The following PLEKHG1 variants were observed in gnomAD, a reference collection of about 807,000 sequenced individuals.
PLEKHG1 encodes the protein pleckstrin homology domain-containing family G member 1.
A neutral mutation model predicts 100.8 loss-of-function variants in PLEKHG1; 44 were observed. That is an observed-to-expected ratio of 0.44 (90% confidence interval 0.34 to 0.56). The LOEUF is 0.56. Ranked by LOEUF, PLEKHG1 falls within the 20% of genes least tolerant of loss-of-function variation. The pLI is 0.01. For missense variants in PLEKHG1, 1,545 were observed against 1,720.9 expected (o/e 0.90, Z 1.81); for synonymous variants, 640 against 662.5 (o/e 0.97, Z 0.52).
chr6:150,605,596 T>G (rs1042373288), intron 1 of PLEKHG1: 1 of 152,206 alleles, frequency 6.6e-6, no homozygotes, highest in African/African-American at 2.4e-5. Context: ...CATGGAGATG[T>G]GATCGGTAAG....
chr6:150,714,236 T>A (rs1781342011), intron 3 of PLEKHG1, among the ~76,000 whole-genome samples: 3 of 152,210 alleles, frequency 2.0e-5, no homozygotes, highest in African/African-American at 7.2e-5. Flanking sequence ...AGCAAGAGGC[T>A]TTTTGCAACA....
intron 2 of PLEKHG1, among the ~76,000 whole-genome samples, chr6:150,742,108 TAAAG>T (rs995917507): frequency 1.3e-5 from 2 of 152,240 alleles, no homozygotes; most frequent in African/African-American, 4.8e-5. Context: ...TGTGTTGCTA[TAAAG>T]AAATACCTGA....
Position 150,804,321 on chromosome 6 carries a change from G to A in PLEKHG1, c.781-289G>A, listed in dbSNP as rs182707099. ...CTGCCTCAGCCTCCTAAGTAACTGGGACTATAGGCATGTGCCACCACGCCC... is the reference window on the plus strand; with the variant it reads ...CTGCCTCAGCCTCCTAAGTAACTGGAACTATAGGCATGTGCCACCACGCCC... On this transcript the variant is annotated intron_variant, in intron 6 of 15. Transcript: ENST00000358517. Among the ~76,000 whole-genome samples the A allele has an allele frequency of 7.9e-3, 1,176 of 148,656 alleles. 16 individuals carry two copies. Among genetic ancestry groups the A allele is most frequent in the African/African-American group, 0.027 (1,111 of 40,424 alleles).
chr6:150,663,067 T>C (rs1779257780), intron 3 of PLEKHG1: 1 of 152,196 alleles, frequency 6.6e-6, no homozygotes, highest in South Asian at 2.1e-4. Context: ...TGTGAGATAT[T>C]GAACACGTTA....
At chr6:150,721,080 A>T (rs1781649499), upstream of PLEKHG1, 1 of 873,680 alleles carries the variant, frequency 1.1e-6, no homozygotes, top group African/African-American at 1.8e-5. Flanking sequence ...ATAAAAGCTG[A>T]CTCATGCAAT....
At chr6:150,657,096 A>G (rs577199726) in intron 3 of PLEKHG1, among the ~76,000 whole-genome samples, 61 of 152,156 alleles carry the variant, frequency 4.0e-4, no homozygotes, top group African/African-American at 1.4e-3. Context: ...ATTTGTTTAG[A>G]CCTTTTGCTA....
intron 2 of PLEKHG1, among the ~76,000 whole-genome samples, chr6:150,646,637 G>A (rs146656288): frequency 1.1e-3 from 175 of 152,192 alleles, no homozygotes; most frequent in African/African-American, 3.9e-3. Context: ...GCAAGAAAGG[G>A]GTTTTTATGT....
In PLEKHG1 at chr6:150,668,245, AC is replaced by A. The variant is rs1779475162; in HGVS notation, c.-99+17460del. ...CTGTAACTTCTGCTAAAAACAGAAC[AC>A]AAAATTATCATGGGAGCCTTCAACA... is the stretch of plus-strand genomic sequence containing the variant. On this transcript the variant is annotated intron_variant, in intron 3 of 3. Coordinates refer to the PLEKHG1 transcript ENST00000367326. Among the ~76,000 whole-genome samples the A allele has an allele frequency of 4.6e-5, 7 of 152,296 alleles. No individual in the cohort carries two copies. The South Asian group carries it at 1.5e-3, about 32-fold the overall frequency.
At chr6:150,704,422 C>G (rs1433788530) in intron 3 of PLEKHG1, among the ~76,000 whole-genome samples, 2 of 152,218 alleles carry the variant, frequency 1.3e-5, no homozygotes, top group Admixed American at 1.3e-4. Flanking sequence ...TATTCACAAT[C>G]CTTTATTTCT....
chr6:150,723,386 C>A (rs146133221), intron 1 of PLEKHG1, among the ~76,000 whole-genome samples: 5 of 152,320 alleles, frequency 3.3e-5, no homozygotes, highest in Middle Eastern at 6.8e-3. Flanking sequence ...CATAGCCACA[C>A]ACTGTGTAGT....
At chr6:150,805,040 G>T (rs1786978801) in intron 7 of PLEKHG1, among the ~76,000 whole-genome samples, 2 of 151,828 alleles carry the variant, frequency 1.3e-5, no homozygotes, top group African/African-American at 4.8e-5. Context: ...GGTTCAAGCA[G>T]TTATTCCCCC....
chr6:150,736,183 C>T (rs1353022779), intron 2 of PLEKHG1, among the ~76,000 whole-genome samples: 1 of 152,208 alleles, frequency 6.6e-6, no homozygotes, highest in Admixed American at 6.5e-5. Flanking sequence ...GCCAGTACCT[C>T]TTTAGAGTCT....
intron 2 of PLEKHG1, among the ~76,000 whole-genome samples, chr6:150,734,650 T>C (rs1332767648): frequency 6.6e-6 from 1 of 152,190 alleles, no homozygotes; most frequent in Non-Finnish European, 1.5e-5. Flanking sequence ...CTGCTATTCC[T>C]GTATTGGTTG....
At chr6:150,805,089 C>G (rs1786983021) in intron 7 of PLEKHG1, among the ~76,000 whole-genome samples, 1 of 152,198 alleles carries the variant, frequency 6.6e-6, no homozygotes, top group Admixed American at 6.5e-5. Context: ...GCATGTGCCA[C>G]CACGGCCTGC....
intron 1 of PLEKHG1, among the ~76,000 whole-genome samples, chr6:150,732,892 G>A (rs1782347624): frequency 6.6e-6 from 1 of 152,200 alleles, no homozygotes; most frequent in Non-Finnish European, 1.5e-5. Context: ...CCAGTCTGCA[G>A]TTCATTGTTG....
At chr6:150,637,211 T>C (rs1347825605) in intron 1 of PLEKHG1, among the ~76,000 whole-genome samples, 4 of 152,210 alleles carry the variant, frequency 2.6e-5, no homozygotes, top group Non-Finnish European at 5.9e-5. Flanking sequence ...ATGCAAATAT[T>C]ATTCACTGCG....
chr6:150,733,453 T>G (rs1297761988), intron 1 of PLEKHG1, 131 bp from the exon 3 acceptor site: 1 of 709,226 alleles, frequency 1.4e-6, no homozygotes, highest in Non-Finnish European at 2.2e-6. Context: ...CACAGGTACC[T>G]TTGCATCCCT....
chr6:150,654,381 G>A (rs1161314232), intron 3 of PLEKHG1, among the ~76,000 whole-genome samples: 2 of 152,184 alleles, frequency 1.3e-5, no homozygotes, highest in African/African-American at 4.8e-5. Flanking sequence ...TCAGTAATCC[G>A]TGGTGCCTTG....
At chr6:150,612,037 G>A (rs1421968728) in intron 1 of PLEKHG1, among the ~76,000 whole-genome samples, 2 of 117,002 alleles carry the variant, frequency 1.7e-5, no homozygotes, top group Admixed American at 2.1e-4. Context: ...TCAGCTTCCT[G>A]GTGTTGTTCC....
Sources: gnomAD v4.1 joint callset for allele counts (sites outside exome capture counted in the v4.1 genomes callset) on GRCh38, gnomAD v4.1.1 for gene constraint, MANE v1.5 for transcripts, NCBI Gene and HGNC (gene_info 2026-07-23, HGNC 2026-07-21) for gene names.